Variants in CADPS observed in about 807,000 individuals in gnomAD.
CADPS encodes calcium dependent secretion activator, also known as calcium-dependent secretion activator 1.
A neutral mutation model predicts 167.3 loss-of-function variants in CADPS; 57 were observed. The observed-to-expected ratio is 0.34, with a 90% confidence interval of 0.28 to 0.42. CADPS has a LOEUF of 0.42. CADPS is among the 20% of genes least tolerant of loss of function. The pLI is 1.00. For synonymous variants in CADPS, 676 were observed against 635.3 expected, an observed-to-expected ratio of 1.06 and a Z score of -0.96; for missense variants, 1,414 against 1,738.1, an observed-to-expected ratio of 0.81 and a Z score of 3.32.
Position 62,776,897 on chromosome 3 carries a change from G to A in CADPS, c.442-10913C>T, listed in dbSNP as rs528205494. 2.0e-5 allele frequency among the ~76,000 whole-genome samples: 3 copies of A among 152,208 alleles called. No individual in the cohort carries two copies. In the East Asian group the frequency reaches 5.8e-4, roughly 29 times the overall value. On this transcript the variant is annotated intron_variant, in intron 1 of 29. Transcript: ENST00000383710. Reference sequence around the variant, plus strand: ...CATTCCAGGTTGAGGGTACAAAATGGGTGAGGAAAGACAAGATGAGAAACT... The same window carrying A: ...CATTCCAGGTTGAGGGTACAAAATGAGTGAGGAAAGACAAGATGAGAAACT...
chr3:62,697,260 C>T (rs186440023), intron 3 of CADPS, among the ~76,000 whole-genome samples: 66 of 126,888 alleles, frequency 5.2e-4, no homozygotes, highest in South Asian at 2.1e-3. Flanking sequence ...ATCCCTCACC[C>T]CCTCCCCATC....
intron 1 of CADPS, among the ~76,000 whole-genome samples, chr3:62,771,751 G>A (rs1324683297): frequency 6.6e-6 from 1 of 152,158 alleles, no homozygotes; most frequent in Admixed American, 6.5e-5. Context: ...CTGCAGCAGC[G>A]TTTGCTAGAA....
chr3:62,491,214 A>C lies in CADPS; in HGVS notation c.3026+125T>G, dbSNP rs1011815423. ...AAGCTATGAGCATCATAGTAGAAGAAATGTATGGTGTTTCTCTCTGTCCAC... is the reference window on the plus strand; with the variant it reads ...AAGCTATGAGCATCATAGTAGAAGACATGTATGGTGTTTCTCTCTGTCCAC... On this transcript the variant is annotated intron_variant, in intron 21 of 29. Coordinates refer to ENST00000383710, the MANE Select transcript of CADPS (RefSeq NM_003716.4). 1.3e-5 allele frequency: 14 copies of C among 1,103,276 alleles called. No individual in the cohort carries two copies. In the African/African-American group the frequency reaches 1.4e-4, roughly 11 times the overall value. 68.3% of individuals were successfully genotyped at this position (1,103,276 alleles called of 1,614,324 possible).
At chr3:62,774,327 T>TAA (rs759046763) in intron 1 of CADPS, among the ~76,000 whole-genome samples, 3 of 145,972 alleles carry the variant, frequency 2.1e-5, no homozygotes, top group Admixed American at 1.4e-4. Context: ...GGCACTCAGT[T>TAA]AAAAAAAAAA....
intron 17 of CADPS, among the ~76,000 whole-genome samples, chr3:62,506,203 C>T (rs950011458): frequency 3.2e-4 from 48 of 152,074 alleles, no homozygotes; most frequent in African/African-American, 1.1e-3. Context: ...TCCTGGCCAA[C>T]ATGGTGAAAC....
chr3:62,439,526 A>G (rs746476146), intron 27 of CADPS: 1 of 152,204 alleles, frequency 6.6e-6, no homozygotes, highest in Non-Finnish European at 1.5e-5. Context: ...TGATGGTCCT[A>G]TAATTGTTGC....
At chr3:62,695,167 G>A (rs1394908627) in intron 3 of CADPS, among the ~76,000 whole-genome samples, 1 of 152,038 alleles carries the variant, frequency 6.6e-6, no homozygotes, top group Non-Finnish European at 1.5e-5. Flanking sequence ...AGATAGATGT[G>A]ATGATTGCTG....
chr3:62,472,004 T>C (rs553378295), intron 24 of CADPS, among the ~76,000 whole-genome samples: 4 of 152,244 alleles, frequency 2.6e-5, no homozygotes, highest in South Asian at 4.1e-4. Flanking sequence ...AAAGAAAATA[T>C]ACAATGGTCA....
intron 1 of CADPS, among the ~76,000 whole-genome samples, chr3:62,791,987 C>A (rs115289934): frequency 0.017 from 2,563 of 152,212 alleles, 34 homozygotes; most frequent in Non-Finnish European, 0.029. Flanking sequence ...AGATTCACAT[C>A]CTTAAACCAC....
intron 3 of CADPS, among the ~76,000 whole-genome samples, chr3:62,672,469 G>A (rs1049746396): frequency 6.6e-6 from 1 of 152,138 alleles, no homozygotes; most frequent in Non-Finnish European, 1.5e-5. Flanking sequence ...GGCGTTGAGA[G>A]CTGTTGCCAT....
intron 3 of CADPS, among the ~76,000 whole-genome samples, chr3:62,746,354 C>G (rs1033659394): frequency 6.6e-6 from 1 of 152,154 alleles, no homozygotes. Context: ...TTGATTGAGA[C>G]AGAGTCTCGC....
chr3:62,842,080 A>G (rs773459985), intron 1 of CADPS, among the ~76,000 whole-genome samples: 7 of 152,178 alleles, frequency 4.6e-5, no homozygotes, highest in Non-Finnish European at 1.0e-4. Context: ...AAATAAACCA[A>G]GATATTTGGG....
chr3:62,439,454 G>A (rs1217930227), intron 27 of CADPS: 2 of 152,268 alleles, frequency 1.3e-5, no homozygotes, highest in Non-Finnish European at 2.9e-5. Flanking sequence ...ACAACCCAAA[G>A]CCACAGTAGT....
chr3:62,422,236 G>C (rs771528999), intron 28 of CADPS, among the ~76,000 whole-genome samples: 22 of 152,178 alleles, frequency 1.4e-4, no homozygotes, highest in Non-Finnish European at 2.8e-4. Context: ...ACAGGCAAGA[G>C]TGAGCTTCAT....
chr3:62,436,419 AG>A lies in CADPS; in HGVS notation c.3777+1684del, dbSNP rs143980300. Among the ~76,000 whole-genome samples the A allele has an allele frequency of 2.2e-3, 335 of 152,332 alleles. 1 individual carries two copies. Among genetic ancestry groups the A allele is most frequent in the African/African-American group, 7.4e-3 (306 of 41,576 alleles). ...CTAGGCATTGAAAAGGACAACCCAC[AG>A]GCTTCTTGAATATTTGTGGTTTGGA... is the stretch of plus-strand genomic sequence containing the variant. On this transcript the variant is annotated intron_variant, in intron 28 of 29. Transcript: ENST00000383710.
At chr3:62,558,080 G>T (rs1399671022) in intron 9 of CADPS, among the ~76,000 whole-genome samples, 2 of 152,154 alleles carry the variant, frequency 1.3e-5, no homozygotes, top group Non-Finnish European at 1.5e-5. Flanking sequence ...TACATGTTTT[G>T]TCCCCTTCTT....
chr3:62,685,076 A>G (rs1670487587), intron 3 of CADPS, among the ~76,000 whole-genome samples: 1 of 152,062 alleles, frequency 6.6e-6, no homozygotes, highest in African/African-American at 2.4e-5. Flanking sequence ...GTCGCTATCA[A>G]TGAAAGATAG....
intron 1 of CADPS, among the ~76,000 whole-genome samples, chr3:62,807,962 C>A (rs2094188420): frequency 6.6e-6 from 1 of 152,064 alleles, no homozygotes. Context: ...CAAACTCCAC[C>A]TCCCGGGTTC....
At chr3:62,445,720 AAAAAAAC>A (rs1560479206) in intron 27 of CADPS, 38 bp downstream of exon 27, 28 of 1,389,750 alleles carry the variant, frequency 2.0e-5, no homozygotes, top group South Asian at 6.8e-5. Flanking sequence ...ATGAAAAAAA[AAAAAAAC>A]AAAAAAACCC....
Sources: allele counts gnomAD v4.1 joint callset (sites outside exome capture counted in the v4.1 genomes callset), GRCh38; gene constraint gnomAD v4.1.1; transcripts MANE v1.5; gene names NCBI Gene and HGNC (gene_info 2026-07-23, HGNC 2026-07-21).